ARAP2: variants seen among roughly 807,000 people sequenced by gnomAD.
The protein encoded by ARAP2 is ArfGAP with RhoGAP domain, ankyrin repeat and PH domain 2.
ARAP2 carries 148 observed loss-of-function variants against 194.5 expected under a neutral mutation model. The observed-to-expected ratio is 0.76, with a 90% confidence interval of 0.67 to 0.87. ARAP2 has a LOEUF of 0.87. Among genes scored for constraint, ARAP2 ranks in the 40% least tolerant of loss-of-function variants. The probability of loss-of-function intolerance (pLI) is 0.00; values close to 1 mark genes in which losing one functional copy is unlikely to be tolerated. For synonymous variants in ARAP2, 695 were observed against 683.5 expected, an observed-to-expected ratio of 1.02 and a Z score of -0.26; for missense variants, 2,128 against 1,989.7, an observed-to-expected ratio of 1.07 and a Z score of -1.32.
rs61010526 is a variant in ARAP2 at position 36,099,895 on chromosome 4, A to C, written c.4285+7670T>G. Among the ~76,000 whole-genome samples the C allele has an allele frequency of 5.7e-3, 862 of 152,208 alleles. 9 individuals are homozygous for C. The highest frequency in any genetic ancestry group is 0.02 in the African/African-American group (814 of 41,570). ...AAGTCCTTGTTTAATTAATGGAGGG[A>C]GGACATAATTTTTCTGTGTTGCAGA... On this transcript the variant is annotated intron_variant, in intron 27 of 32. Transcript: ENST00000303965.
intron 2 of ARAP2, among the ~76,000 whole-genome samples, chr4:36,214,701 T>C (rs1320788886): frequency 6.6e-6 from 1 of 152,230 alleles, no homozygotes; most frequent in Non-Finnish European, 1.5e-5. Flanking sequence ...AAATGTATTT[T>C]TGTATTTAGA....
chr4:36,220,697 G>A (rs556698822), intron 2 of ARAP2, among the ~76,000 whole-genome samples: 4 of 151,946 alleles, frequency 2.6e-5, no homozygotes, highest in African/African-American at 9.7e-5. Context: ...AGATGGGAAC[G>A]TGGAAGAGTT....
chr4:36,058,727 T>C (rs756272935), intron 1 of ARAP2, among the ~76,000 whole-genome samples: 3 of 152,230 alleles, frequency 2.0e-5, no homozygotes, highest in Non-Finnish European at 4.4e-5. Context: ...ACAAGCACTA[T>C]TTTAGATTCT....
intron 19 of ARAP2, among the ~76,000 whole-genome samples, chr4:36,143,251 C>G (rs976800366): frequency 2.0e-5 from 3 of 151,664 alleles, no homozygotes; most frequent in Admixed American, 6.6e-5. Flanking sequence ...CTCTCTACTC[C>G]ATTTTCAATT....
At chr4:36,042,102 A>G in intron 5 of ARAP2, among the ~76,000 whole-genome samples, 1 of 152,170 alleles carries the variant, frequency 6.6e-6, no homozygotes, top group South Asian at 2.1e-4. Context: ...TGATGAAATA[A>G]TATGTATGAC....
intron 9 of ARAP2, among the ~76,000 whole-genome samples, chr4:36,011,641 A>G (rs1373757559): frequency 6.6e-6 from 1 of 152,166 alleles, no homozygotes; most frequent in East Asian, 1.9e-4. Context: ...AGAAGAACAC[A>G]TAACACCTAC....
chr4:36,212,349 AAC>A, intron 5 of ARAP2, 45 bp downstream of exon 5: 1 of 1,439,952 alleles, frequency 6.9e-7, no homozygotes, highest in Non-Finnish European at 9.7e-7. Flanking sequence ...AACATTGTAT[AAC>A]AGTTTATTCT....
At chr4:36,033,424 G>A (rs1719337837) in intron 5 of ARAP2, among the ~76,000 whole-genome samples, 1 of 151,662 alleles carries the variant, frequency 6.6e-6, no homozygotes, top group Non-Finnish European at 1.5e-5. Context: ...TTTTTCATAT[G>A]CTTGTTGACA....
intron 9 of ARAP2, among the ~76,000 whole-genome samples, chr4:36,174,356 A>G (rs947797471): frequency 6.6e-6 from 1 of 152,206 alleles, no homozygotes; most frequent in Non-Finnish European, 1.5e-5. Flanking sequence ...ATGGTGCTAA[A>G]TATTTAAGGG....
chr4:36,135,121 G>A (rs1416895637), intron 19 of ARAP2, among the ~76,000 whole-genome samples: 5 of 151,644 alleles, frequency 3.3e-5, no homozygotes, highest in Non-Finnish European at 7.4e-5. Context: ...AATTGTTGAT[G>A]TATTTTAAGT....
chr4:36,208,922 T>A (rs1233981362), intron 6 of ARAP2, among the ~76,000 whole-genome samples: 1 of 152,104 alleles, frequency 6.6e-6, no homozygotes, highest in Non-Finnish European at 1.5e-5. Flanking sequence ...CATCTAACCT[T>A]AGGCAGGTTC....
intron 22 of ARAP2, among the ~76,000 whole-genome samples, chr4:36,121,636 A>C (rs898533133): frequency 2.6e-5 from 4 of 151,772 alleles, no homozygotes; most frequent in African/African-American, 9.7e-5. Flanking sequence ...AAAGTATAGA[A>C]GTATGCTTGC....
At chr4:36,126,851 T>C (rs955287321) in intron 21 of ARAP2, among the ~76,000 whole-genome samples, 7 of 151,974 alleles carry the variant, frequency 4.6e-5, no homozygotes, top group Non-Finnish European at 1.0e-4. Flanking sequence ...TTGTTGTTGT[T>C]TAACACGCAG....
Position 36,177,923 on chromosome 4 carries a change from T to C in ARAP2, c.1761A>G (p.Thr587=), listed in dbSNP as rs571813648. 1.9e-6 allele frequency: 3 copies of C among 1,613,664 alleles called. No individual in the cohort carries two copies. Among genetic ancestry groups the C allele is most frequent in the Non-Finnish European group, 2.5e-6 (3 of 1,179,708 alleles). The change falls in exon 9 of 33, where the codon ACA becomes ACG. Residue 587 remains threonine, a synonymous_variant. Coordinates refer to ENST00000303965, the MANE Select transcript of ARAP2 (RefSeq NM_015230.4). ...ATTCAAGATATCCACATTTCTCAGG[T>C]GTAACAACAGCTTGAGACTGCGAGG... ...SLTSQSQAVV[T]PEKCGYLELR... is the part of the protein sequence containing the mutation.
Position 36,210,514 on chromosome 4 carries a change from A to C in ARAP2, c.1363T>G (p.Ser455Ala). The change falls in exon 6 of 33, where the codon TCA (serine) becomes GCA (alanine). Residue 455 changes from serine (S) to alanine (A), a missense_variant. Physicochemically the swap from Ser to Ala is moderately conservative, Grantham distance 99. Coordinates refer to ENST00000303965, the MANE Select transcript of ARAP2 (RefSeq NM_015230.4). ...GATGAATCAGCATTTCCACTTGTTG[A>C]GCTTAACGGATAACTGTGCCTATTA... Reference protein sequence around the residue: ...SVNRHSYPLSSTSGNADSSAV... With the variant: ...SVNRHSYPLSATSGNADSSAV... 6.2e-7 allele frequency: 1 copy of C among 1,613,946 alleles called. No individual in the cohort carries two copies. Among genetic ancestry groups the C allele is most frequent in the Non-Finnish European group, 8.5e-7 (1 of 1,179,882 alleles).
intron 6 of ARAP2, among the ~76,000 whole-genome samples, chr4:36,196,326 T>C (rs918921110): frequency 6.6e-6 from 1 of 152,172 alleles, no homozygotes; most frequent in Non-Finnish European, 1.5e-5. Flanking sequence ...GGAGGGCCGA[T>C]AGCTTACTCA....
intron 5 of ARAP2, among the ~76,000 whole-genome samples, chr4:36,022,662 A>ATGCT (rs770232471): frequency 1.3e-5 from 2 of 152,212 alleles, no homozygotes; most frequent in Admixed American, 1.3e-4. Context: ...TCCTCAGAGA[A>ATGCT]GAGTCACATT....
At chr4:36,101,007 C>A (rs961842056) in intron 27 of ARAP2, among the ~76,000 whole-genome samples, 5 of 151,716 alleles carry the variant, frequency 3.3e-5, no homozygotes, top group African/African-American at 7.3e-5. Context: ...GTTTGAAAAA[C>A]CAAAAATAAC....
intron 6 of ARAP2, among the ~76,000 whole-genome samples, chr4:36,207,085 C>A (rs1214282508): frequency 6.6e-6 from 1 of 152,248 alleles, no homozygotes; most frequent in Admixed American, 6.5e-5. Flanking sequence ...CGAAGAGGCA[C>A]AGCCATCCAA....
Sources: gnomAD v4.1 joint callset for allele counts (sites outside exome capture counted in the v4.1 genomes callset) on GRCh38, gnomAD v4.1.1 for gene constraint, MANE v1.5 for transcripts, NCBI Gene and HGNC (gene_info 2026-07-23, HGNC 2026-07-21) for gene names.